The following PARD3 variants were observed in gnomAD, a reference collection of about 807,000 sequenced individuals.
PARD3 encodes par-3 family cell polarity regulator.
In PARD3, 75 loss-of-function variants were observed where a neutral mutation model predicts 155.4. The observed-to-expected ratio is 0.48, with a 90% CI of 0.40 to 0.58. The LOEUF is 0.58. Among genes scored for constraint, PARD3 ranks in the 20% least tolerant of loss-of-function variants. PARD3 has a pLI of 0.00. For missense variants in PARD3, 1,642 were observed against 1,721.7 expected (o/e 0.95, Z 0.82); for synonymous variants, 576 against 610.5 (o/e 0.94, Z 0.83).
rs1226949830 is a variant in PARD3 at position 34,585,606 on chromosome 10, AGT to A, written c.223-68449_223-68448del. ...GATAGTACCATCTCTGTGCACAGAA[AGT>A]GAAAATTGTGGTGTGCGGGTGTCAT... On this transcript the variant is annotated intron_variant, in intron 2 of 24. Transcript: ENST00000374788. Among the ~76,000 whole-genome samples the A allele has an allele frequency of 5.3e-5, 8 of 151,814 alleles. No homozygotes were observed. The East Asian group carries it at 1.5e-3, about 29-fold the overall frequency.
At chr10:34,354,751 G>A (rs1838597868) in intron 14 of PARD3, among the ~76,000 whole-genome samples, 2 of 152,174 alleles carry the variant, frequency 1.3e-5, no homozygotes, top group African/African-American at 2.4e-5. Context: ...GAGCAGAGGT[G>A]CTGCAGGGGC....
At chr10:34,337,888 GTGTTT>G (rs1348970087) in intron 16 of PARD3, among the ~76,000 whole-genome samples, 2 of 152,156 alleles carry the variant, frequency 1.3e-5, no homozygotes, top group Non-Finnish European at 2.9e-5. Context: ...CTTTTATGTT[GTGTTT>G]TAAGGAAAGA....
chr10:34,394,321 C>T (rs1359719347), intron 7 of PARD3, among the ~76,000 whole-genome samples: 1 of 152,024 alleles, frequency 6.6e-6, no homozygotes, highest in African/African-American at 2.4e-5. Context: ...CCACCATGCC[C>T]GGCCTTATTT....
chr10:34,336,562 C>T (rs1287235910), intron 17 of PARD3, among the ~76,000 whole-genome samples: 1 of 151,998 alleles, frequency 6.6e-6, no homozygotes, highest in Admixed American at 6.6e-5. Context: ...TACAAACAGC[C>T]ACCAGAGAAC....
intron 2 of PARD3, among the ~76,000 whole-genome samples, chr10:34,623,456 T>G (rs1022928163): frequency 3.3e-5 from 5 of 152,222 alleles, no homozygotes; most frequent in Non-Finnish European, 7.3e-5. Flanking sequence ...AACTTAAATC[T>G]TCAACTTTAA....
At chr10:34,169,792 C>G (rs1446562936) in intron 22 of PARD3, among the ~76,000 whole-genome samples, 1 of 152,124 alleles carries the variant, frequency 6.6e-6, no homozygotes, top group Non-Finnish European at 1.5e-5. Context: ...TAAGTTCCGA[C>G]AATTGAATGA....
intron 22 of PARD3, among the ~76,000 whole-genome samples, chr10:34,260,844 T>A (rs1027463966): frequency 2.0e-5 from 3 of 152,220 alleles, no homozygotes; most frequent in Non-Finnish European, 2.9e-5. Flanking sequence ...GAGCACATGT[T>A]TAATAAGTGC....
At chr10:34,506,639 G>A (rs922293512) in intron 3 of PARD3, among the ~76,000 whole-genome samples, 6 of 152,128 alleles carry the variant, frequency 3.9e-5, no homozygotes, top group South Asian at 2.1e-4. Context: ...TCAGTCCACC[G>A]AGGTGATCAC....
intron 2 of PARD3, among the ~76,000 whole-genome samples, chr10:34,651,047 A>AG (rs2092999742): frequency 2.2e-5 from 3 of 139,520 alleles, no homozygotes; most frequent in Non-Finnish European, 4.6e-5. Context: ...AAAAAAAAAA[A>AG]AAGGCAGTAC....
At chr10:34,246,720 C>G (rs1007712341) in intron 22 of PARD3, among the ~76,000 whole-genome samples, 21 of 149,270 alleles carry the variant, frequency 1.4e-4, no homozygotes, top group Admixed American at 1.1e-3. Flanking sequence ...CTGTGGGCAC[C>G]CTGATAGTAC....
intron 1 of PARD3, among the ~76,000 whole-genome samples, chr10:34,772,001 G>A (rs371606405): frequency 1.3e-5 from 2 of 152,334 alleles, no homozygotes; most frequent in South Asian, 4.1e-4. Context: ...TACCAAGGAA[G>A]TTCTGCAGTC....
rs191972417 is a variant in PARD3 at position 34,586,718 on chromosome 10, G to A, written c.223-69559C>T. 7.9e-5 allele frequency among the ~76,000 whole-genome samples: 12 copies of A among 152,298 alleles called. No individual in the cohort carries two copies. In the East Asian group the frequency reaches 2.1e-3, roughly 27 times the overall value. On this transcript the variant is annotated intron_variant, in intron 2 of 24. Coordinates refer to ENST00000374788, the MANE Select transcript of PARD3 (RefSeq NM_001184785.2). ...TCCCAACACTTTGGGAGGCCGAGGCGAGTTGGATCACCTGAGGTTAGGAGT... is the reference window on the plus strand; with the variant it reads ...TCCCAACACTTTGGGAGGCCGAGGCAAGTTGGATCACCTGAGGTTAGGAGT...
chr10:34,218,177 C>T (rs894229849), intron 22 of PARD3, among the ~76,000 whole-genome samples: 1 of 152,184 alleles, frequency 6.6e-6, no homozygotes, highest in African/African-American at 2.4e-5. Flanking sequence ...CCAAATTATG[C>T]TCTGAATCTC....
At chr10:34,245,275 A>C (rs1953870319) in intron 22 of PARD3, among the ~76,000 whole-genome samples, 1 of 152,198 alleles carries the variant, frequency 6.6e-6, no homozygotes, top group African/African-American at 2.4e-5. Context: ...GAGAAGGCAT[A>C]CGTAACGGGG....
At position 34,803,850 on chromosome 10, in the gene PARD3, G is replaced by A. The variant is rs550963396; in HGVS notation, c.120+11026C>T. ...AAAATAACAATAATCAAGTTCAGGA[G>A]TTTGTTAGCATTGCAAGTTTCCTTG... On this transcript the variant is annotated intron_variant, in intron 1 of 24. Transcript: ENST00000374788. Among the ~76,000 whole-genome samples the A allele has an allele frequency of 2.9e-3, 434 of 152,186 alleles. 3 individuals carry two copies. The highest frequency in any genetic ancestry group is 3.6e-3 in the Non-Finnish European group (248 of 68,008).
intron 22 of PARD3, among the ~76,000 whole-genome samples, chr10:34,134,334 G>A (rs921883552): frequency 6.6e-6 from 1 of 150,508 alleles, no homozygotes; most frequent in Non-Finnish European, 1.5e-5. Context: ...GATTATAGGA[G>A]GTTTGACTGA....
intron 1 of PARD3, among the ~76,000 whole-genome samples, chr10:34,765,096 G>C (rs887611823): frequency 6.6e-6 from 1 of 152,092 alleles, no homozygotes; most frequent in Non-Finnish European, 1.5e-5. Context: ...ACATAGTATT[G>C]AGAGAAAGAC....
intron 5 of PARD3, among the ~76,000 whole-genome samples, chr10:34,413,071 T>G (rs1009854915): frequency 6.6e-6 from 1 of 151,474 alleles, no homozygotes; most frequent in Admixed American, 6.6e-5. Flanking sequence ...AATAATAGAC[T>G]AGGGTGAAGT....
chr10:34,133,138 G>C (rs1204146240), intron 22 of PARD3, among the ~76,000 whole-genome samples: 1 of 152,088 alleles, frequency 6.6e-6, no homozygotes, highest in East Asian at 1.9e-4. Context: ...GCCAGACAAG[G>C]GCCTGGGTAC....
Sources: allele counts gnomAD v4.1 joint callset (sites outside exome capture counted in the v4.1 genomes callset), GRCh38; gene constraint gnomAD v4.1.1; transcripts MANE v1.5; gene names NCBI Gene and HGNC (gene_info 2026-07-23, HGNC 2026-07-21).